Variants in EFHC2 observed in about 807,000 individuals in gnomAD.
The protein encoded by EFHC2 is EF-hand domain containing 2.
EFHC2 carries 18 observed loss-of-function variants against 52.7 expected under a neutral mutation model. That is an observed-to-expected ratio of 0.34 (90% CI 0.24 to 0.51). The LOEUF (loss-of-function observed/expected upper bound fraction) is 0.51. Ranked by LOEUF, EFHC2 falls within the 20% of genes least tolerant of loss-of-function variation. The pLI is 0.97. For synonymous variants in EFHC2, 203 were observed against 204.1 expected, an observed-to-expected ratio of 0.99 and a Z score of 0.04; for missense variants, 513 against 562.5, an observed-to-expected ratio of 0.91 and a Z score of 0.89.
intron 12 of EFHC2, 83 bp downstream of exon 12, chrX:44,178,284 C>A: frequency 1.1e-6 from 1 of 950,415 alleles, no homozygotes; most frequent in Non-Finnish European, 1.4e-6. Context: ...TTTCTTTTTG[C>A]ACTTTTTGAT....
chrX:44,240,306 A>C (rs2037350687), intron 8 of EFHC2, among the ~76,000 whole-genome samples: 1 of 111,525 alleles, frequency 9.0e-6, no homozygotes, highest in Admixed American at 9.5e-5. Context: ...AAAGAACAAA[A>C]TGAGAGACAT....
chrX:44,310,328 C>T (rs766074492), intron 2 of EFHC2: 76 of 888,527 alleles, frequency 8.6e-5, no homozygotes, highest in Non-Finnish European at 1.2e-4. Context: ...CTGGAAGATC[C>T]TCCATGCAGT....
At chrX:44,268,686 C>T (rs867480288) in intron 3 of EFHC2, among the ~76,000 whole-genome samples, 2 of 111,595 alleles carry the variant, frequency 1.8e-5, no homozygotes, top group Non-Finnish European at 3.8e-5. Context: ...ATCAAATACA[C>T]GTAAGTAAAA....
chrX:44,320,598 A>G (rs2038012232), intron 1 of EFHC2, among the ~76,000 whole-genome samples: 1 of 111,109 alleles, frequency 9.0e-6, no homozygotes, highest in African/African-American at 3.3e-5. Flanking sequence ...TAAGTCAGTG[A>G]TCAACAGCAT....
rs1197298506 is a variant in EFHC2 at position 44,232,526 on chromosome X, A to G, written c.1575T>C (p.Asn525=). The stretch of plus-strand genomic sequence containing the variant: ...TGTAGTTTAAGGTATACTCATCAGC[A>G]TTGAGCAAACGAAATAGGTAACCAT... ...NVNGYLFRLL[N]ADEYTLNYME... is the part of the protein sequence containing the mutation. Residue 525 remains asparagine (N), a synonymous_variant, in exon 10 of 15, where the codon AAT becomes AAC. Transcript: ENST00000420999. The G allele has an allele frequency of 8.5e-7, 1 of 1,180,574 alleles. No homozygotes were observed. The highest frequency in any genetic ancestry group is 2.0e-5 in the South Asian group (1 of 51,264).
At chrX:44,341,493 G>C (rs138665049) in intron 1 of EFHC2, among the ~76,000 whole-genome samples, 1 of 112,316 alleles carries the variant, frequency 8.9e-6, no homozygotes, top group Non-Finnish European at 1.9e-5. Context: ...CTGTTGCCCA[G>C]GCTGGAGTGC....
At chrX:44,326,880 C>T (rs1402574649) in intron 1 of EFHC2, among the ~76,000 whole-genome samples, 2 of 108,496 alleles carry the variant, frequency 1.8e-5, no homozygotes, top group Non-Finnish European at 3.8e-5. Flanking sequence ...AGGCGCATGC[C>T]ACCACACCTG....
At chrX:44,316,258 C>A (rs2037982337) in intron 1 of EFHC2, among the ~76,000 whole-genome samples, 1 of 111,954 alleles carries the variant, frequency 8.9e-6, no homozygotes, top group Non-Finnish European at 1.9e-5. Flanking sequence ...TCAGGCTATA[C>A]TTCTACACAA....
chrX:44,246,374 T>C (rs186459043), intron 7 of EFHC2, among the ~76,000 whole-genome samples: 1 of 112,534 alleles, frequency 8.9e-6, no homozygotes, highest in East Asian at 2.8e-4. Context: ...TAGTGTCTGT[T>C]AAATGGGATA....
At chrX:44,289,457 T>C (rs2037776079) in intron 2 of EFHC2, among the ~76,000 whole-genome samples, 1 of 111,160 alleles carries the variant, frequency 9.0e-6, no homozygotes, top group Non-Finnish European at 1.9e-5. Context: ...CTAAAAGTTA[T>C]AGACATGGCT....
chrX:44,165,654 T>C (rs2036691382), intron 13 of EFHC2, among the ~76,000 whole-genome samples: 1 of 111,822 alleles, frequency 8.9e-6, no homozygotes, highest in Admixed American at 9.5e-5. Flanking sequence ...TGAGATCATG[T>C]AGGACCTTTG....
intron 11 of EFHC2, among the ~76,000 whole-genome samples, chrX:44,205,151 C>T (rs2037038441): frequency 9.0e-6 from 1 of 111,081 alleles, no homozygotes; most frequent in Non-Finnish European, 1.9e-5. Context: ...CAAGCAAATG[C>T]TAAGGGAATT....
rs762214032 is a variant in EFHC2 at position 44,198,499 on chromosome X, A to T, written c.1752-19935T>A. Among the ~76,000 whole-genome samples, 21 of 111,741 alleles carry T rather than the reference A, an allele frequency of 1.9e-4. No homozygotes were observed. In the South Asian group the frequency reaches 7.9e-3, roughly 42 times the overall value. ...GTCTAGTCAGTATTTTCCCCAGTGT[A>T]ATTTTAGAGAGTCTTATGGCATGGG... On this transcript the variant is annotated intron_variant, in intron 11 of 14. Coordinates refer to ENST00000420999, the MANE Select transcript of EFHC2 (RefSeq NM_025184.4).
intron 13 of EFHC2, among the ~76,000 whole-genome samples, chrX:44,170,197 A>C (rs181741262): frequency 1.3e-3 from 146 of 111,851 alleles, no homozygotes; most frequent in East Asian, 0.012. Context: ...TCAGATGTGG[A>C]AAGAAAGAAG....
At chrX:44,215,194 C>T (rs774606112) in intron 11 of EFHC2, among the ~76,000 whole-genome samples, 2 of 111,281 alleles carry the variant, frequency 1.8e-5, no homozygotes, top group East Asian at 5.7e-4. Flanking sequence ...AGTCATGTTT[C>T]CTGTATAGCC....
At chrX:44,238,985 C>A (rs1339052677) in intron 8 of EFHC2, among the ~76,000 whole-genome samples, 1 of 111,529 alleles carries the variant, frequency 9.0e-6, no homozygotes, top group African/African-American at 3.3e-5. Flanking sequence ...TGGCACACAG[C>A]AGGGATTCAA....
chrX:44,269,747 AT>A (rs1462405460), intron 3 of EFHC2, among the ~76,000 whole-genome samples: 1 of 111,075 alleles, frequency 9.0e-6, no homozygotes. Flanking sequence ...TTCTTTATAA[AT>A]TACCCAGCCC....
chrX:44,242,046 C>T (rs972208689), intron 8 of EFHC2, 75 bp downstream of exon 8: 3 of 991,898 alleles, frequency 3.0e-6, no homozygotes, highest in African/African-American at 2.0e-5. Flanking sequence ...ACATCTGTTT[C>T]GTCATGAGAA....
At chrX:44,310,416 G>A in intron 2 of EFHC2, 1 of 990,607 alleles carries the variant, frequency 1.0e-6, no homozygotes, top group Non-Finnish European at 1.4e-6. Flanking sequence ...CCCTTCAGCG[G>A]CGAGAGCTGC....
Sources: allele counts gnomAD v4.1 joint callset (sites outside exome capture counted in the v4.1 genomes callset), GRCh38; gene constraint gnomAD v4.1.1; transcripts MANE v1.5; gene names NCBI Gene and HGNC (gene_info 2026-07-23, HGNC 2026-07-21).